The following ABCB1 variants were observed in gnomAD, a reference collection of about 807,000 sequenced individuals.
ABCB1 encodes ATP-dependent translocase ABCB1.
In ABCB1, 69 loss-of-function variants were observed where a neutral mutation model predicts 142.0. The ratio of observed to expected loss-of-function variants is 0.49; its 90% confidence interval spans 0.40 to 0.59. ABCB1 has a LOEUF of 0.59. Ranked by LOEUF, ABCB1 falls within the 20% of genes least tolerant of loss-of-function variation. The pLI is 0.00. For missense variants in ABCB1, 1,326 were observed against 1,554.7 expected (o/e 0.85, Z 2.47); for synonymous variants, 532 against 539.2 (o/e 0.99, Z 0.18).
intron 1 of ABCB1, among the ~76,000 whole-genome samples, chr7:87,612,600 A>C (rs550451738): frequency 6.6e-6 from 1 of 152,156 alleles, no homozygotes; most frequent in Admixed American, 6.5e-5. Context: ...TGGGGTCTCT[A>C]TTCTGTTCTA....
At chr7:87,510,387 G>A (rs1814955002) in intron 25 of ABCB1, among the ~76,000 whole-genome samples, 1 of 152,220 alleles carries the variant, frequency 6.6e-6, no homozygotes, top group East Asian at 1.9e-4. Flanking sequence ...GGAACAGAGG[G>A]CTGCCCTTTC....
chr7:87,636,703 A>G (rs1563091812), intron 1 of ABCB1, among the ~76,000 whole-genome samples: 1 of 152,134 alleles, frequency 6.6e-6, no homozygotes, highest in African/African-American at 2.4e-5. Flanking sequence ...TCAACAATCC[A>G]TCTGTAGTTT....
intron 17 of ABCB1, 118 bp downstream of exon 17, chr7:87,544,011 C>CA: frequency 2.4e-6 from 3 of 1,243,544 alleles, no homozygotes; most frequent in Non-Finnish European, 3.5e-6. Context: ...CAATTAGTTT[C>CA]ATATGGAGAT....
Position 87,595,922 on chromosome 7 carries a change from T to A in ABCB1, c.69-108A>T, listed in dbSNP as rs547267216. On this transcript the variant is annotated intron_variant, in intron 2 of 27. Coordinates refer to ENST00000622132, the MANE Select transcript of ABCB1 (RefSeq NM_001348946.2). The stretch of plus-strand genomic sequence containing the variant: ...TAATGACTAATAGGAAGAAGAAATA[T>A]GTCTATATTATACAGTTAAAAAACA... The A allele has an allele frequency of 6.0e-6, 5 of 837,222 alleles. No individual in the cohort carries two copies. The East Asian group carries it at 1.3e-4, about 22-fold the overall frequency. 51.9% of individuals were successfully genotyped at this position (837,222 alleles called of 1,614,324 possible). A position where few individuals can be genotyped will look rare whatever the true frequency, so the allele number is the denominator to read the frequency against.
intron 21 of ABCB1, among the ~76,000 whole-genome samples, chr7:87,523,090 A>G (rs1446289949): frequency 6.6e-6 from 1 of 152,120 alleles, no homozygotes; most frequent in South Asian, 2.1e-4. Flanking sequence ...TGAAATTAAT[A>G]AGTCAAAGAA....
chr7:87,515,338 C>A lies in ABCB1; in HGVS notation c.3175G>T (p.Glu1059Ter), dbSNP rs1377559224. 1 of 1,614,170 alleles carries A rather than the reference C, an allele frequency of 6.2e-7. No individual in the cohort carries two copies. Among genetic ancestry groups the A allele is most frequent in the Non-Finnish European group, 8.5e-7 (1 of 1,180,000 alleles). The change falls in exon 25 of 28, where the codon GAG (glutamate) becomes TAG (stop). Residue 1059 changes from glutamate (E) to a stop codon, truncating the protein, a stop_gained. Coordinates refer to ENST00000622132, the MANE Select transcript of ABCB1 (RefSeq NM_001348946.2). LOFTEE classifies it high-confidence loss of function. ...GCCAGCGTCTGGCCCTTCTTCACCTCCAGGCTCAGTCCCTGAAGCACTGGG... is the reference window on the plus strand; with the variant it reads ...GCCAGCGTCTGGCCCTTCTTCACCTACAGGCTCAGTCCCTGAAGCACTGGG... ...DIPVLQGLSL[E>*]VKKGQTLALV...
rs536171997 is a variant in ABCB1, at chr7:87,655,395, A to C, written c.-330-54317T>G. Among the ~76,000 whole-genome samples the C allele has an allele frequency of 5.9e-5, 9 of 152,266 alleles. No homozygotes were observed. In the South Asian group the frequency reaches 1.7e-3, roughly 28 times the overall value. ...AATGGAATGCTATTCAGCCTTTAAG[A>C]GGAAGAAAATCCTGTCATTTGTGAC... On this transcript the variant is annotated intron_variant, in intron 1 of 28. Coordinates refer to the ABCB1 transcript ENST00000265724.
intron 9 of ABCB1, among the ~76,000 whole-genome samples, chr7:87,553,272 A>G (rs1283113468): frequency 1.3e-5 from 2 of 152,016 alleles, no homozygotes; most frequent in Non-Finnish European, 2.9e-5. Flanking sequence ...CAAACAAGCA[A>G]ATAAAAGAAA....
At chr7:87,574,023 A>T (rs1818173016) in intron 4 of ABCB1, among the ~76,000 whole-genome samples, 1 of 152,222 alleles carries the variant, frequency 6.6e-6, no homozygotes, top group South Asian at 2.1e-4. Context: ...TATTTTCCAC[A>T]TGCTGAGAAG....
At chr7:87,540,740 A>C (rs1024446779) in intron 18 of ABCB1, among the ~76,000 whole-genome samples, 1 of 152,264 alleles carries the variant, frequency 6.6e-6, no homozygotes, top group Admixed American at 6.5e-5. Context: ...ATAAGCCACC[A>C]CACCTGGCCC....
chr7:87,552,425 G>C (rs1265569311), intron 9 of ABCB1, among the ~76,000 whole-genome samples: 3 of 152,158 alleles, frequency 2.0e-5, no homozygotes, highest in Non-Finnish European at 4.4e-5. Context: ...GGCTTGAAAA[G>C]TTTAGCTGGC....
intron 8 of ABCB1, among the ~76,000 whole-genome samples, chr7:87,556,334 G>A (rs780207429): frequency 3.9e-5 from 6 of 152,132 alleles, no homozygotes; most frequent in Non-Finnish European, 7.4e-5. Flanking sequence ...GCACATAAAA[G>A]AGAGAAAAAT....
rs1424633987 is a variant in ABCB1, at chr7:87,686,343, A to G, written c.-331+26818T>C. ...TGTGTACTAATGTCATCAAGTCATA[A>G]TAGAAGTATATTAACGAGCATGGTG... On this transcript the variant is annotated intron_variant, in intron 1 of 28. Coordinates refer to the ABCB1 transcript ENST00000265724. 2.2e-4 allele frequency among the ~76,000 whole-genome samples: 34 copies of G among 152,228 alleles called. 1 individual carries two copies. Among genetic ancestry groups the G allele is most frequent in the Admixed American group, 2.2e-3 (33 of 15,288 alleles).
intron 1 of ABCB1, among the ~76,000 whole-genome samples, chr7:87,685,280 C>G (rs1217111760): frequency 6.6e-6 from 1 of 152,038 alleles, no homozygotes; most frequent in Non-Finnish European, 1.5e-5. Flanking sequence ...ATGCAAAGAG[C>G]TGAACAGATA....
At chr7:87,626,774 C>CATATATATGTCATATATATGTCAG (rs1563082143) in intron 1 of ABCB1, among the ~76,000 whole-genome samples, 1 of 119,362 alleles carries the variant, frequency 8.4e-6, no homozygotes, top group African/African-American at 3.4e-5. Flanking sequence ...ATATATATGT[C>CATATATATGTCATATATATGTCAG]AGAGAGAGAG....
At chr7:87,676,048 AG>A (rs2130555120) in intron 1 of ABCB1, among the ~76,000 whole-genome samples, 1 of 151,798 alleles carries the variant, frequency 6.6e-6, no homozygotes, top group East Asian at 2.0e-4. Flanking sequence ...CAACATAGTG[AG>A]ATTCCCATCT....
At chr7:87,642,991 C>T (rs2130308251) in intron 1 of ABCB1, among the ~76,000 whole-genome samples, 1 of 152,252 alleles carries the variant, frequency 6.6e-6, no homozygotes, top group Admixed American at 6.5e-5. Flanking sequence ...CCATAGCCCA[C>T]TGTAACCTTG....
At chr7:87,703,824 A>T (rs1302308024) in intron 1 of ABCB1, among the ~76,000 whole-genome samples, 1 of 102,204 alleles carries the variant, frequency 9.8e-6, no homozygotes, top group Non-Finnish European at 2.0e-5. Flanking sequence ...TGAACTATAG[A>T]TTTTTAAAAT....
At chr7:87,535,337 C>CG (rs1816242523) in intron 20 of ABCB1, among the ~76,000 whole-genome samples, 1 of 105,338 alleles carries the variant, frequency 9.5e-6, no homozygotes, top group Non-Finnish European at 1.9e-5. Context: ...GTCTTCTTTG[C>CG]ATTTTTTTTT....
Sources: allele counts gnomAD v4.1 joint callset (sites outside exome capture counted in the v4.1 genomes callset), GRCh38; gene constraint gnomAD v4.1.1; transcripts MANE v1.5; gene names NCBI Gene and HGNC (gene_info 2026-07-23, HGNC 2026-07-21).